Variants in MTUS2 observed in about 807,000 individuals in gnomAD.
The protein encoded by MTUS2 is microtubule-associated tumor suppressor candidate 2.
A neutral mutation model predicts 114.1 loss-of-function variants in MTUS2; 40 were observed. The ratio of observed to expected loss-of-function variants is 0.35; its 90% CI spans 0.27 to 0.46. The LOEUF (loss-of-function observed/expected upper bound fraction) is 0.46, where lower values mean the gene tolerates loss of function less well. MTUS2 is among the 20% of genes least tolerant of loss of function. MTUS2 has a pLI of 1.00. For missense variants in MTUS2, 1,679 were observed against 1,705.4 expected, an observed-to-expected ratio of 0.98 and a Z score of 0.27; for synonymous variants, 688 against 672.0, an observed-to-expected ratio of 1.02 and a Z score of -0.37.
intron 8 of MTUS2, among the ~76,000 whole-genome samples, chr13:29,383,042 G>A (rs1872333827): frequency 6.6e-6 from 1 of 152,016 alleles, no homozygotes; most frequent in East Asian, 1.9e-4. Flanking sequence ...AGATTGCAGT[G>A]CACCTATTTG....
At chr13:29,193,188 C>G (rs1894518033) in intron 5 of MTUS2, among the ~76,000 whole-genome samples, 1 of 152,038 alleles carries the variant, frequency 6.6e-6, no homozygotes, top group South Asian at 2.1e-4. Flanking sequence ...GGAGAGTGAC[C>G]TCCCACTTTC....
rs150746647 is a variant in MTUS2 at position 29,426,107 on chromosome 13, A to G, written c.3118-13876A>G. On this transcript the variant is annotated intron_variant, in intron 8 of 15. Coordinates refer to ENST00000612955, the MANE Select transcript of MTUS2 (RefSeq NM_001033602.4). ...CCCACCCCACCTGGCTCTGTCCACA[A>G]TAGGGCTTTGCTCTGTCTTGATTTA... Among the ~76,000 whole-genome samples, 288 of 152,324 alleles carry G rather than the reference A, an allele frequency of 1.9e-3. 1 individual carries two copies. Among genetic ancestry groups the G allele is most frequent in the African/African-American group, 6.5e-3 (272 of 41,570 alleles).
chr13:29,147,898 A>T (rs916996566), intron 5 of MTUS2, among the ~76,000 whole-genome samples: 1 of 152,204 alleles, frequency 6.6e-6, no homozygotes, highest in Non-Finnish European at 1.5e-5. Flanking sequence ...TGCTATGAAC[A>T]TATGCATACA....
intron 5 of MTUS2, among the ~76,000 whole-genome samples, chr13:29,118,028 T>A (rs1566017600): frequency 6.6e-6 from 1 of 152,142 alleles, no homozygotes; most frequent in Non-Finnish European, 1.5e-5. Context: ...CACCAGTGGC[T>A]TTGAAGGTGC....
intron 2 of MTUS2, among the ~76,000 whole-genome samples, chr13:28,934,094 C>T (rs1881764365): frequency 2.6e-5 from 4 of 152,220 alleles, no homozygotes; most frequent in Admixed American, 2.6e-4. Context: ...TTCTCACTCT[C>T]CTACCAACTA....
intron 2 of MTUS2, among the ~76,000 whole-genome samples, chr13:28,842,924 G>C (rs1044866387): frequency 1.3e-4 from 20 of 152,208 alleles, no homozygotes; most frequent in Non-Finnish European, 2.1e-4. Flanking sequence ...ACCCCCTCTG[G>C]GACAGGTGCT....
chr13:28,968,185 T>G (rs577690208), intron 2 of MTUS2, among the ~76,000 whole-genome samples: 2 of 152,318 alleles, frequency 1.3e-5, no homozygotes, highest in South Asian at 4.1e-4. Context: ...AAAAGTTAGT[T>G]TTAAAAATTT....
intron 4 of MTUS2, among the ~76,000 whole-genome samples, chr13:29,071,504 G>A (rs1367713338): frequency 8.1e-6 from 1 of 124,030 alleles, no homozygotes; most frequent in Non-Finnish European, 1.6e-5. Flanking sequence ...TGGGCTCACT[G>A]CAACCTCTGC....
chr13:29,436,274 T>A (rs1218403059), intron 8 of MTUS2, among the ~76,000 whole-genome samples: 2 of 151,862 alleles, frequency 1.3e-5, no homozygotes, highest in Non-Finnish European at 2.9e-5. Context: ...TGATGAAGAG[T>A]GTGGACGATG....
chr13:28,951,223 G>A (rs1882792933), intron 2 of MTUS2, among the ~76,000 whole-genome samples: 1 of 152,162 alleles, frequency 6.6e-6, no homozygotes, highest in African/African-American at 2.4e-5. Flanking sequence ...AACCAAGGAG[G>A]CAGAAGACTT....
At chr13:29,036,141 C>CAAAAAA (rs397851632) in intron 4 of MTUS2, among the ~76,000 whole-genome samples, 48 of 31,562 alleles carry the variant, frequency 1.5e-3, no homozygotes, top group East Asian at 2.8e-3. Context: ...GAGACTGTCT[C>CAAAAAA]AAAAAAAAAA....
chr13:29,188,742 C>T (rs892793341), intron 5 of MTUS2, among the ~76,000 whole-genome samples: 2 of 152,246 alleles, frequency 1.3e-5, no homozygotes, highest in Non-Finnish European at 1.5e-5. Flanking sequence ...CTCTCAGTCC[C>T]TTCTTTCCCA....
chr13:29,239,453 G>A (rs1479162058), intron 5 of MTUS2: 11 of 152,124 alleles, frequency 7.2e-5, no homozygotes, highest in Non-Finnish European at 1.3e-4. Context: ...TCAGTTCTGG[G>A]CCTCAGTTTG....
chr13:29,047,379 T>C (rs1887673711), intron 4 of MTUS2, among the ~76,000 whole-genome samples: 1 of 152,178 alleles, frequency 6.6e-6, no homozygotes, highest in South Asian at 2.1e-4. Flanking sequence ...GACATTCTGA[T>C]GCAGCTGTTT....
At chr13:29,412,607 G>A (rs1332642237) in intron 8 of MTUS2, among the ~76,000 whole-genome samples, 1 of 152,172 alleles carries the variant, frequency 6.6e-6, no homozygotes, top group Non-Finnish European at 1.5e-5. Flanking sequence ...GAATAAGGAA[G>A]GACAAGTGCA....
In MTUS2 at chr13:29,286,112, G is replaced by A. The variant is rs545361767; in HGVS notation, c.2806+4247G>A. On this transcript the variant is annotated intron_variant, in intron 6 of 15. Transcript: ENST00000612955. The stretch of plus-strand genomic sequence containing the variant: ...GGCAAATTTTTGTATTTTTAGTAGA[G>A]TTGGGGTTTCACCATGTTGGCCAGG... Among the ~76,000 whole-genome samples, 5 of 152,288 alleles carry A rather than the reference G, an allele frequency of 3.3e-5. 1 individual carries two copies. The highest frequency in any genetic ancestry group is 4.1e-4 in the South Asian group (2 of 4,832).
intron 8 of MTUS2, among the ~76,000 whole-genome samples, chr13:29,411,995 C>G (rs1875275743): frequency 6.6e-6 from 1 of 152,092 alleles, no homozygotes; most frequent in Non-Finnish European, 1.5e-5. Context: ...TTTTGTAGGG[C>G]TTTGTAGTTA....
At chr13:29,405,743 C>CTT (rs35738274) in intron 8 of MTUS2, among the ~76,000 whole-genome samples, 101,009 of 141,868 alleles carry the variant, frequency 0.71, 36,829 homozygotes, top group East Asian at 0.91. Flanking sequence ...TAATTAACTA[C>CTT]TTTTTTTTTT....
At chr13:29,029,549 C>T (rs1886717429) in intron 3 of MTUS2, among the ~76,000 whole-genome samples, 1 of 152,134 alleles carries the variant, frequency 6.6e-6, no homozygotes, top group African/African-American at 2.4e-5. Flanking sequence ...GCAGAGGTTC[C>T]ATGAAGAGAC....
Sources: allele counts gnomAD v4.1 joint callset (sites outside exome capture counted in the v4.1 genomes callset), GRCh38; gene constraint gnomAD v4.1.1; transcripts MANE v1.5; gene names NCBI Gene and HGNC (gene_info 2026-07-23, HGNC 2026-07-21).